The following LUZP2 variants were observed in gnomAD, a reference collection of about 807,000 sequenced individuals.
LUZP2 encodes the protein leucine zipper protein 2.
LUZP2 carries 52 observed loss-of-function variants against 51.6 expected under a neutral mutation model. That is an observed-to-expected ratio of 1.01 (90% confidence interval 0.81 to 1.27). The LOEUF is 1.27. Among genes scored for constraint, LUZP2 ranks in the 50% most tolerant of loss-of-function variants. The probability of loss-of-function intolerance (pLI) is 0.00; values close to 1 mark genes in which losing one functional copy is unlikely to be tolerated. For synonymous variants in LUZP2, 154 were observed against 137.3 expected, an observed-to-expected ratio of 1.12 and a Z score of -0.85; for missense variants, 436 against 395.4, an observed-to-expected ratio of 1.10 and a Z score of -0.87.
intron 10 of LUZP2, among the ~76,000 whole-genome samples, chr11:25,050,396 C>A (rs1333706946): frequency 1.3e-5 from 2 of 149,302 alleles, no homozygotes; most frequent in Non-Finnish European, 1.5e-5. Flanking sequence ...CCGCCGCCTC[C>A]CGGGTTCACG....
intron 1 of LUZP2, among the ~76,000 whole-genome samples, chr11:24,599,524 G>T (rs1853552304): frequency 6.6e-6 from 1 of 152,228 alleles, no homozygotes; most frequent in South Asian, 2.1e-4. Context: ...CCTAGTCATT[G>T]TTCTGCCACA....
At chr11:24,705,173 C>T (rs1442577553) in intron 1 of LUZP2, among the ~76,000 whole-genome samples, 2 of 151,752 alleles carry the variant, frequency 1.3e-5, no homozygotes, top group African/African-American at 2.4e-5. Flanking sequence ...TTTTTTAAAA[C>T]CTGTCTTCCT....
intron 1 of LUZP2, among the ~76,000 whole-genome samples, chr11:24,618,565 G>T (rs1469650412): frequency 6.6e-6 from 1 of 152,146 alleles, no homozygotes; most frequent in Non-Finnish European, 1.5e-5. Flanking sequence ...ACATGCTTCT[G>T]TTGGAGCTTC....
At chr11:24,807,925 C>T (rs1200766104) in intron 5 of LUZP2, among the ~76,000 whole-genome samples, 1 of 151,998 alleles carries the variant, frequency 6.6e-6, no homozygotes, top group African/African-American at 2.4e-5. Context: ...GAACTAAGAT[C>T]AGAAGAAAAT....
intron 7 of LUZP2, among the ~76,000 whole-genome samples, chr11:24,937,798 G>A (rs1854630530): frequency 1.3e-5 from 2 of 152,084 alleles, no homozygotes; most frequent in Admixed American, 6.5e-5. Flanking sequence ...ACACATGGGA[G>A]GCTGAGGCAG....
At chr11:24,775,944 T>G (rs1262208056) in intron 5 of LUZP2, among the ~76,000 whole-genome samples, 1 of 152,196 alleles carries the variant, frequency 6.6e-6, no homozygotes, top group Non-Finnish European at 1.5e-5. Context: ...ATGGAAGCTA[T>G]CATCATCCTC....
intron 7 of LUZP2, among the ~76,000 whole-genome samples, chr11:24,953,903 G>T (rs1855144894): frequency 6.6e-6 from 1 of 151,980 alleles, no homozygotes; most frequent in Admixed American, 6.6e-5. Context: ...ATGGATAAAT[G>T]ACAACTATAA....
chr11:24,767,424 A>T (rs924014411), intron 5 of LUZP2, among the ~76,000 whole-genome samples: 1 of 152,220 alleles, frequency 6.6e-6, no homozygotes, highest in Non-Finnish European at 1.5e-5. Flanking sequence ...ATACAGTGGA[A>T]GGTTTTTATG....
At chr11:24,891,282 A>C in intron 5 of LUZP2, 1 of 982,780 alleles carries the variant, frequency 1.0e-6, no homozygotes, top group Non-Finnish European at 1.2e-6. Context: ...AGTCATAGCA[A>C]TTCTACTTCT....
chr11:24,968,714 C>G (rs937554364), intron 7 of LUZP2, among the ~76,000 whole-genome samples: 2 of 152,212 alleles, frequency 1.3e-5, no homozygotes, highest in South Asian at 4.1e-4. Flanking sequence ...CTCTGATGCC[C>G]TGTCCCGCAT....
chr11:24,696,721 A>G (rs1209905701), intron 1 of LUZP2, among the ~76,000 whole-genome samples: 1 of 152,110 alleles, frequency 6.6e-6, no homozygotes, highest in Non-Finnish European at 1.5e-5. Flanking sequence ...ATCAGGTTTG[A>G]TAGGTTTTTT....
intron 8 of LUZP2, 97 bp downstream of exon 8, chr11:24,976,762 A>G: frequency 1.6e-6 from 1 of 640,942 alleles, no homozygotes; most frequent in Non-Finnish European, 2.4e-6. Flanking sequence ...TTCTTGATTT[A>G]TTAATGTGTT....
chr11:24,631,048 C>A (rs1245779398), intron 1 of LUZP2, among the ~76,000 whole-genome samples: 1 of 151,814 alleles, frequency 6.6e-6, no homozygotes, highest in African/African-American at 2.4e-5. Context: ...GATTTTATGT[C>A]CTACAATTTT....
intron 1 of LUZP2, among the ~76,000 whole-genome samples, chr11:24,582,107 T>TC (rs1164166594): frequency 1.3e-5 from 2 of 152,168 alleles, no homozygotes; most frequent in African/African-American, 4.8e-5. Flanking sequence ...AAATGGTTCA[T>TC]AAAGAATAAG....
intron 9 of LUZP2, among the ~76,000 whole-genome samples, chr11:25,024,479 C>G (rs1857426771): frequency 6.6e-6 from 1 of 152,106 alleles, no homozygotes; most frequent in African/African-American, 2.4e-5. Flanking sequence ...GTGCAAAAAT[C>G]ACAAGCATTC....
intron 5 of LUZP2, chr11:24,786,130 A>C (rs1849238061): frequency 1.0e-6 from 1 of 985,158 alleles, no homozygotes; most frequent in South Asian, 4.7e-5. Flanking sequence ...CAAATCCCTC[A>C]AAGTTATGAA....
At chr11:24,682,431 G>T (rs993520089) in intron 1 of LUZP2, among the ~76,000 whole-genome samples, 3 of 151,216 alleles carry the variant, frequency 2.0e-5, no homozygotes, top group Non-Finnish European at 2.9e-5. Flanking sequence ...GGAGGCAAAG[G>T]TTGCAGTGAG....
chr11:24,804,862 T>C (rs1849806026), intron 5 of LUZP2, among the ~76,000 whole-genome samples: 1 of 152,048 alleles, frequency 6.6e-6, no homozygotes. Flanking sequence ...ATTTTTGAGA[T>C]GGAGTCTCAC....
At chr11:24,535,128 T>C (rs1272595068) in intron 1 of LUZP2, among the ~76,000 whole-genome samples, 2 of 114,808 alleles carry the variant, frequency 1.7e-5, no homozygotes, top group Non-Finnish European at 3.9e-5. Flanking sequence ...TAAAAAATAC[T>C]TCATTGCTTA....
Sources: allele counts gnomAD v4.1 joint callset (sites outside exome capture counted in the v4.1 genomes callset), GRCh38; gene constraint gnomAD v4.1.1; transcripts MANE v1.5; gene names NCBI Gene and HGNC (gene_info 2026-07-23, HGNC 2026-07-21).